The following MSRA variants were observed in gnomAD, a reference collection of about 807,000 sequenced individuals.
The protein encoded by MSRA is methionine sulfoxide reductase A.
Under a neutral mutation model 31.3 loss-of-function variants are expected in MSRA, and 54 were observed. The ratio of observed to expected loss-of-function variants is 1.73; its 90% CI spans 1.39 to 2.17. The LOEUF (loss-of-function observed/expected upper bound fraction) is 2.17, where lower values mean the gene tolerates loss of function less well. MSRA is among the 30% of genes most tolerant of loss of function. The pLI, the probability that MSRA is intolerant of heterozygous loss-of-function variation, is 0.00. For synonymous variants in MSRA, 169 were observed against 116.5 expected (o/e 1.45, Z -2.90); for missense variants, 507 against 300.9 (o/e 1.69, Z -5.07).
chr8:10,315,031 CA>C (rs1801633209), intron 4 of MSRA, among the ~76,000 whole-genome samples: 1 of 152,126 alleles, frequency 6.6e-6, no homozygotes, highest in African/African-American at 2.4e-5. Flanking sequence ...GAAGGAGGAG[CA>C]AAGGCACATC....
intron 4 of MSRA, among the ~76,000 whole-genome samples, chr8:10,317,648 T>C (rs1801803066): frequency 6.6e-6 from 1 of 152,220 alleles, no homozygotes; most frequent in Admixed American, 6.5e-5. Flanking sequence ...CAAGGTGTTG[T>C]TTCTGAGCCA....
At chr8:10,150,803 A>T (rs142717079) in intron 1 of MSRA, among the ~76,000 whole-genome samples, 35 of 152,294 alleles carry the variant, frequency 2.3e-4, no homozygotes, top group African/African-American at 7.5e-4. Flanking sequence ...CAGCTCCTGC[A>T]TGTCCCTTCC....
chr8:10,128,706 A>G (rs542396060), intron 1 of MSRA, among the ~76,000 whole-genome samples: 2 of 152,216 alleles, frequency 1.3e-5, no homozygotes, highest in African/African-American at 4.8e-5. Context: ...CAGCAGCTAC[A>G]GTAGTGTATC....
At chr8:10,142,563 T>C (rs117234226) in intron 1 of MSRA, among the ~76,000 whole-genome samples, 32 of 152,350 alleles carry the variant, frequency 2.1e-4, no homozygotes, top group Middle Eastern at 3.4e-3. Flanking sequence ...TCCCCTCTCC[T>C]GGAAGGAGGA....
intron 1 of MSRA, among the ~76,000 whole-genome samples, chr8:10,084,179 C>G (rs994419415): frequency 2.0e-5 from 3 of 152,244 alleles, no homozygotes; most frequent in African/African-American, 4.8e-5. Context: ...CTTCCAAGTT[C>G]TGATTTCTGG....
chr8:10,142,704 G>A (rs1380943529), intron 1 of MSRA, among the ~76,000 whole-genome samples: 1 of 152,202 alleles, frequency 6.6e-6, no homozygotes, highest in Non-Finnish European at 1.5e-5. Flanking sequence ...GACAGTGAGT[G>A]TGATGCTTAA....
intron 5 of MSRA, among the ~76,000 whole-genome samples, chr8:10,381,081 A>G (rs1806041055): frequency 6.6e-6 from 1 of 152,116 alleles, no homozygotes. Context: ...ATTGATGGAT[A>G]TCCTATATCT....
At chr8:10,251,506 A>G (rs186071328) in intron 3 of MSRA, among the ~76,000 whole-genome samples, 3 of 152,282 alleles carry the variant, frequency 2.0e-5, no homozygotes, top group South Asian at 2.1e-4. Context: ...GCTACAAGCA[A>G]TTTGATCGCT....
intron 5 of MSRA, among the ~76,000 whole-genome samples, chr8:10,370,308 T>G (rs2129169731): frequency 6.6e-6 from 1 of 152,272 alleles, no homozygotes; most frequent in Middle Eastern, 3.4e-3. Context: ...ATTCCATGCT[T>G]CTCCCACTAC....
At chr8:10,161,820 T>TCCCGC (rs1381050379) in intron 1 of MSRA, among the ~76,000 whole-genome samples, 1 of 150,030 alleles carries the variant, frequency 6.7e-6, no homozygotes, top group East Asian at 1.9e-4. Flanking sequence ...CCTTCGTGAA[T>TCCCGC]CCCGCCCCGC....
At chr8:10,173,360 A>G (rs926225189) in intron 1 of MSRA, among the ~76,000 whole-genome samples, 1 of 152,254 alleles carries the variant, frequency 6.6e-6, no homozygotes, top group African/African-American at 2.4e-5. Flanking sequence ...CTGGTGAAGA[A>G]TCTGGGGGTG....
intron 5 of MSRA, 132 bp from the exon 6 acceptor site, chr8:10,428,016 G>A (rs770273194): frequency 4.1e-5 from 36 of 887,040 alleles, no homozygotes; most frequent in Admixed American, 9.6e-5. Flanking sequence ...CGGAGAGCCC[G>A]GCCTAAAGGG....
intron 1 of MSRA, among the ~76,000 whole-genome samples, chr8:10,111,122 C>T (rs1479552017): frequency 2.6e-5 from 4 of 152,152 alleles, no homozygotes; most frequent in Admixed American, 6.5e-5. Flanking sequence ...AAAGGGTTTC[C>T]GTGTTATCCA....
chr8:10,424,189 C>T (rs990666361), intron 5 of MSRA, among the ~76,000 whole-genome samples: 2 of 152,298 alleles, frequency 1.3e-5, no homozygotes, highest in South Asian at 4.1e-4. Context: ...GAGGAAAGGA[C>T]ATTCCTTGGA....
intron 3 of MSRA, among the ~76,000 whole-genome samples, chr8:10,286,597 C>A (rs1448456148): frequency 2.0e-5 from 3 of 152,220 alleles, no homozygotes; most frequent in Admixed American, 6.5e-5. Context: ...ATACAAACAT[C>A]CAGTTAGATA....
intron 2 of MSRA, among the ~76,000 whole-genome samples, chr8:10,213,276 AAATAAGTGAG>A (rs1387271666): frequency 1.3e-5 from 2 of 152,036 alleles, no homozygotes. Flanking sequence ...TAGATCCCAC[AAATAAGTGAG>A]AACATGTGAT....
intron 5 of MSRA, among the ~76,000 whole-genome samples, chr8:10,427,685 C>T (rs1311795322): frequency 6.6e-6 from 1 of 152,178 alleles, no homozygotes; most frequent in Non-Finnish European, 1.5e-5. Context: ...TGCAGCCATT[C>T]TGTCCATCCC....
chr8:10,209,386 G>T (rs987917826), intron 2 of MSRA, among the ~76,000 whole-genome samples: 64 of 152,126 alleles, frequency 4.2e-4, no homozygotes, highest in African/African-American at 1.5e-3. Context: ...ATTATTAGTG[G>T]GTTTCCCTCT....
intron 5 of MSRA, among the ~76,000 whole-genome samples, chr8:10,396,162 G>A (rs188292680): frequency 3.3e-3 from 502 of 152,166 alleles, no homozygotes; most frequent in Non-Finnish European, 5.1e-3. Flanking sequence ...GCCACTTTCC[G>A]TGCTGCTGCT....
Sources: allele counts gnomAD v4.1 joint callset (sites outside exome capture counted in the v4.1 genomes callset), GRCh38; gene constraint gnomAD v4.1.1; transcripts MANE v1.5; gene names NCBI Gene and HGNC (gene_info 2026-07-23, HGNC 2026-07-21).